Variants in PPFIA2 observed in about 807,000 individuals in gnomAD.
PPFIA2 encodes liprin-alpha-2.
A neutral mutation model predicts 175.5 loss-of-function variants in PPFIA2; 46 were observed. The ratio of observed to expected loss-of-function variants is 0.26; its 90% CI spans 0.21 to 0.34. The LOEUF (loss-of-function observed/expected upper bound fraction) is 0.34. Among genes scored for constraint, PPFIA2 ranks in the 10% least tolerant of loss-of-function variants. The pLI is 1.00. For synonymous variants in PPFIA2, 568 were observed against 511.4 expected, an observed-to-expected ratio of 1.11 and a Z score of -1.49; for missense variants, 1,179 against 1,506.1, an observed-to-expected ratio of 0.78 and a Z score of 3.60.
intron 22 of PPFIA2, among the ~76,000 whole-genome samples, chr12:81,321,131 A>G (rs1214684004): frequency 1.3e-5 from 2 of 152,076 alleles, no homozygotes; most frequent in East Asian, 1.9e-4. Context: ...ATCATTAGCC[A>G]TAACTAGAAG....
chr12:81,446,416 T>A (rs1294803866), intron 5 of PPFIA2, among the ~76,000 whole-genome samples: 1 of 152,166 alleles, frequency 6.6e-6, no homozygotes, highest in Non-Finnish European at 1.5e-5. Flanking sequence ...CTTTACACTC[T>A]TAGCTTTTGC....
chr12:81,401,613 C>T (rs1387325793), intron 8 of PPFIA2, among the ~76,000 whole-genome samples: 1 of 152,184 alleles, frequency 6.6e-6, no homozygotes, highest in Admixed American at 6.5e-5. Context: ...TTATTACAGA[C>T]TATATCTTCT....
At chr12:81,646,974 C>G (rs555699165) in intron 4 of PPFIA2, among the ~76,000 whole-genome samples, 66 of 149,772 alleles carry the variant, frequency 4.4e-4, no homozygotes, top group Non-Finnish European at 1.8e-4. Context: ...TCCATAGAAC[C>G]AGAAACATAG....
chr12:81,655,224 G>A (rs2067592831), intron 4 of PPFIA2, among the ~76,000 whole-genome samples: 1 of 151,670 alleles, frequency 6.6e-6, no homozygotes, highest in Admixed American at 6.6e-5. Context: ...CCAGAGAGTT[G>A]TCAATGTTAA....
At chr12:81,266,388 A>G (rs1020908320) in intron 30 of PPFIA2, among the ~76,000 whole-genome samples, 4 of 152,198 alleles carry the variant, frequency 2.6e-5, no homozygotes, top group African/African-American at 9.7e-5. Flanking sequence ...TTATTTTCCA[A>G]ATAACTTAAT....
At chr12:81,447,451 C>T (rs1389106814) in intron 5 of PPFIA2, among the ~76,000 whole-genome samples, 1 of 152,154 alleles carries the variant, frequency 6.6e-6, no homozygotes, top group Non-Finnish European at 1.5e-5. Flanking sequence ...CTGCCCAAAG[C>T]ACTCCTTCTT....
intron 4 of PPFIA2, among the ~76,000 whole-genome samples, chr12:81,634,634 G>A (rs1264243824): frequency 6.6e-6 from 1 of 152,022 alleles, no homozygotes; most frequent in Non-Finnish European, 1.5e-5. Flanking sequence ...AAGGAACAAT[G>A]CTGCATATTA....
At chr12:81,518,412 C>T (rs1030241842) in intron 4 of PPFIA2, among the ~76,000 whole-genome samples, 5 of 152,174 alleles carry the variant, frequency 3.3e-5, no homozygotes, top group African/African-American at 1.2e-4. Context: ...CCTCAAATAG[C>T]CAAGATTCAG....
In PPFIA2 at chr12:81,367,762, C is replaced by T. The variant is rs866666637; in HGVS notation, c.1483-592G>A. Among the ~76,000 whole-genome samples the T allele has an allele frequency of 3.3e-5, 5 of 151,374 alleles. 1 individual carries two copies. In the South Asian group the frequency reaches 1.0e-3, roughly 31 times the overall value. On this transcript the variant is annotated intron_variant, in intron 13 of 32. Transcript: ENST00000549396. ...TCATAGATACTTAAAATAAACCTTG[C>T]CAGAAAATTATTTTTGTTGTTAAAA...
intron 4 of PPFIA2, among the ~76,000 whole-genome samples, chr12:81,567,217 T>A (rs2071520792): frequency 2.6e-5 from 4 of 151,888 alleles, no homozygotes; most frequent in Admixed American, 2.6e-4. Flanking sequence ...CTGGCTAATT[T>A]CTTTTGTATT....
intron 3 of PPFIA2, among the ~76,000 whole-genome samples, chr12:81,709,789 T>C (rs990584674): frequency 5.3e-5 from 8 of 152,176 alleles, no homozygotes; most frequent in African/African-American, 1.7e-4. Flanking sequence ...TAGTAGTTTG[T>C]CTCTTATTTT....
chr12:81,353,652 T>G (rs1322855441), intron 16 of PPFIA2, among the ~76,000 whole-genome samples: 1 of 152,190 alleles, frequency 6.6e-6, no homozygotes, highest in Non-Finnish European at 1.5e-5. Context: ...CTTTTCCTTA[T>G]TTCCAAATAT....
chr12:81,284,632 C>T (rs551254556), intron 24 of PPFIA2, among the ~76,000 whole-genome samples: 11 of 152,188 alleles, frequency 7.2e-5, no homozygotes, highest in African/African-American at 2.2e-4. Context: ...TTTGTAATAA[C>T]GGTGAACTGA....
intron 7 of PPFIA2, among the ~76,000 whole-genome samples, chr12:81,428,447 G>T (rs1340868428): frequency 6.6e-6 from 1 of 151,842 alleles, no homozygotes; most frequent in Non-Finnish European, 1.5e-5. Flanking sequence ...ATTTTAACAG[G>T]TATTGTTATA....
intron 4 of PPFIA2, among the ~76,000 whole-genome samples, chr12:81,622,755 C>T (rs909158430): frequency 2.6e-5 from 4 of 151,976 alleles, no homozygotes; most frequent in African/African-American, 7.2e-5. Flanking sequence ...TAGAATGTGC[C>T]CTGGCTTTCA....
intron 7 of PPFIA2, among the ~76,000 whole-genome samples, chr12:81,421,885 A>C (rs2143806905): frequency 6.6e-6 from 1 of 152,048 alleles, no homozygotes; most frequent in African/African-American, 2.4e-5. Flanking sequence ...ATGGTAACCA[A>C]AAGAAAGCTA....
At chr12:81,348,701 A>T (rs541232926) in intron 17 of PPFIA2, among the ~76,000 whole-genome samples, 46 of 152,254 alleles carry the variant, frequency 3.0e-4, no homozygotes, top group Non-Finnish European at 5.4e-4. Context: ...GCGCCACTGC[A>T]CTCCAGCCTG....
intron 8 of PPFIA2, among the ~76,000 whole-genome samples, chr12:81,388,800 C>T (rs1000853895): frequency 1.3e-5 from 2 of 151,952 alleles, no homozygotes; most frequent in South Asian, 2.1e-4. Flanking sequence ...TAGAGGTGAT[C>T]TGAATTAAAA....
At chr12:81,708,716 T>C (rs1053734111) in intron 3 of PPFIA2, among the ~76,000 whole-genome samples, 7 of 152,202 alleles carry the variant, frequency 4.6e-5, no homozygotes, top group African/African-American at 9.6e-5. Flanking sequence ...GAGATTACAC[T>C]GTAATAGCAT....
Sources: gnomAD v4.1 joint callset for allele counts (sites outside exome capture counted in the v4.1 genomes callset) on GRCh38, gnomAD v4.1.1 for gene constraint, MANE v1.5 for transcripts, NCBI Gene and HGNC (gene_info 2026-07-23, HGNC 2026-07-21) for gene names.